Variants in NEBL observed in about 807,000 individuals in gnomAD.
The protein encoded by NEBL is LIM and SH3 protein 2.
NEBL carries 122 observed loss-of-function variants against 140.2 expected under a neutral mutation model. The observed-to-expected ratio is 0.87, with a 90% confidence interval of 0.75 to 1.01. The LOEUF is 1.01. Among genes scored for constraint, NEBL ranks in the 50% least tolerant of loss-of-function variants. NEBL has a pLI of 0.00. For missense variants in NEBL, 1,365 were observed against 1,231.3 expected, an observed-to-expected ratio of 1.11 and a Z score of -1.62; for synonymous variants, 436 against 398.9, an observed-to-expected ratio of 1.09 and a Z score of -1.11.
chr10:21,195,880 A>G (rs1841640207), intron 3 of NEBL, among the ~76,000 whole-genome samples: 3 of 152,134 alleles, frequency 2.0e-5, no homozygotes, highest in Non-Finnish European at 4.4e-5. Flanking sequence ...TTTTTTATTC[A>G]TTTCATAAGG....
intron 3 of NEBL, among the ~76,000 whole-genome samples, chr10:20,966,567 TA>T (rs1004142118): frequency 6.6e-6 from 1 of 152,210 alleles, no homozygotes; most frequent in Non-Finnish European, 1.5e-5. Context: ...TGTGCACCCT[TA>T]GTGACAGTTT....
chr10:21,145,032 C>T (rs1211944634), intron 2 of NEBL, among the ~76,000 whole-genome samples: 1 of 148,544 alleles, frequency 6.7e-6, no homozygotes, highest in Non-Finnish European at 1.5e-5. Context: ...GTAAAAATGG[C>T]AAAAAAATAA....
At chr10:21,164,107 G>C (rs1421966096) in intron 2 of NEBL, among the ~76,000 whole-genome samples, 2 of 152,178 alleles carry the variant, frequency 1.3e-5, no homozygotes, top group Non-Finnish European at 2.9e-5. Flanking sequence ...CCTGAGCATG[G>C]AAGAAATCAA....
At chr10:21,013,722 A>G (rs1838444191) in intron 3 of NEBL, among the ~76,000 whole-genome samples, 2 of 152,178 alleles carry the variant, frequency 1.3e-5, no homozygotes, top group Non-Finnish European at 1.5e-5. Context: ...TACTAAAAAT[A>G]CAAAAATTAG....
At chr10:21,108,170 G>C (rs947451828) in intron 2 of NEBL, among the ~76,000 whole-genome samples, 2 of 151,978 alleles carry the variant, frequency 1.3e-5, no homozygotes, top group African/African-American at 4.8e-5. Context: ...CTTCAGTTCT[G>C]CTCTGATCTT....
intron 3 of NEBL, among the ~76,000 whole-genome samples, chr10:21,216,243 C>G (rs2132240437): frequency 6.6e-6 from 1 of 152,302 alleles, no homozygotes; most frequent in Admixed American, 6.5e-5. Context: ...CCTGACTTCC[C>G]CTTAGCCACA....
At chr10:21,232,280 C>G (rs1589339904) in intron 3 of NEBL, among the ~76,000 whole-genome samples, 1 of 152,114 alleles carries the variant, frequency 6.6e-6, no homozygotes, top group Non-Finnish European at 1.5e-5. Context: ...TTTAGATAGT[C>G]CAGAAAAGCT....
chr10:21,279,040 G>A (rs2132296136), intron 1 of NEBL, among the ~76,000 whole-genome samples: 2 of 152,268 alleles, frequency 1.3e-5, no homozygotes, highest in South Asian at 4.1e-4. Flanking sequence ...TCTTATGTGT[G>A]TACTGTGCCT....
intron 20 of NEBL, chr10:20,819,151 G>T: frequency 1.2e-6 from 1 of 865,672 alleles, no homozygotes; most frequent in Non-Finnish European, 1.6e-6. Context: ...TTGTACAGAT[G>T]ACTTCATCAC....
At chr10:20,896,482 G>GTATATATATATA (rs1491445773) in intron 2 of NEBL, among the ~76,000 whole-genome samples, 3 of 20,976 alleles carry the variant, frequency 1.4e-4, no homozygotes, top group Admixed American at 6.7e-4. Flanking sequence ...AATATTATAT[G>GTATATATATATA]CATATATATA....
chr10:21,289,460 G>GCC lies in NEBL; in HGVS notation n.182+3369_182+3370insGG, dbSNP rs746824551. On this transcript the variant is annotated intron_variant and non_coding_transcript_variant, in intron 1 of 8. Coordinates refer to the NEBL transcript ENST00000675702. ...ATTTGTTTTTCTAAAATATGCTTTGGAATTGTGCCCTTGGCTCACTTAGTT... is the reference window on the plus strand; with the variant it reads ...ATTTGTTTTTCTAAAATATGCTTTGGCCAATTGTGCCCTTGGCTCACTTAGTT... 1.9e-3 allele frequency among the ~76,000 whole-genome samples: 287 copies of GCC among 152,322 alleles called. 1 individual carries two copies. The highest frequency in any genetic ancestry group is 3.2e-3 in the Non-Finnish European group (216 of 68,032).
intron 2 of NEBL, among the ~76,000 whole-genome samples, chr10:21,145,134 G>C (rs1422125012): frequency 6.6e-6 from 1 of 152,186 alleles, no homozygotes; most frequent in Non-Finnish European, 1.5e-5. Context: ...AAATTGGAAA[G>C]ATTAGATTCA....
intron 1 of NEBL, among the ~76,000 whole-genome samples, chr10:21,255,137 C>T (rs1471578191): frequency 6.6e-6 from 1 of 152,190 alleles, no homozygotes; most frequent in Non-Finnish European, 1.5e-5. Flanking sequence ...GCTTCATCCA[C>T]ACCAGTCCCT....
intron 2 of NEBL, chr10:21,125,796 T>C (rs1452999622): frequency 2.0e-6 from 3 of 1,502,838 alleles, no homozygotes; most frequent in Non-Finnish European, 2.8e-6. Context: ...GTATATGGTA[T>C]GGTATAAGAC....
chr10:21,180,138 G>GA (rs201765784), intron 3 of NEBL, among the ~76,000 whole-genome samples: 59 of 139,940 alleles, frequency 4.2e-4, no homozygotes, highest in African/African-American at 5.8e-4. Flanking sequence ...CTCGGTCTCA[G>GA]AAAAAAAAAA....
At chr10:20,794,865 C>T (rs1369670336) in intron 26 of NEBL, among the ~76,000 whole-genome samples, 1 of 152,152 alleles carries the variant, frequency 6.6e-6, no homozygotes, top group African/African-American at 2.4e-5. Flanking sequence ...TTACAATGTT[C>T]CAGCCCTGCG....
chr10:20,968,336 C>G (rs1836420176), intron 3 of NEBL, among the ~76,000 whole-genome samples: 1 of 150,084 alleles, frequency 6.7e-6, no homozygotes, highest in East Asian at 1.9e-4. Context: ...AAGGCCCCAT[C>G]TCTTAAAAAA....
At chr10:20,960,859 A>G (rs962049747) in intron 4 of NEBL, among the ~76,000 whole-genome samples, 9 of 152,158 alleles carry the variant, frequency 5.9e-5, no homozygotes, top group African/African-American at 1.9e-4. Context: ...TAGTGACTTT[A>G]TAAGTGACGC....
At position 21,028,218 on chromosome 10, in the gene NEBL, C is replaced by A. The variant is rs189954300; in HGVS notation, c.165-8017G>T. ...CTCCAGCCTGGCCAACAGAGCGAGA[C>A]TCCATCTCAAACATCTCAAAAAAAA... On this transcript the variant is annotated intron_variant, in intron 2 of 6. Transcript: ENST00000417816. Among the ~76,000 whole-genome samples the A allele has an allele frequency of 1.8e-4, 7 of 38,976 alleles. No individual in the cohort carries two copies. The Admixed American group carries it at 2.1e-3, about 12-fold the overall frequency. The allele number at this position is 38,976 out of a possible 152,430, so 25.6% of individuals were successfully genotyped here.
Sources: allele counts gnomAD v4.1 joint callset (sites outside exome capture counted in the v4.1 genomes callset), GRCh38; gene constraint gnomAD v4.1.1; transcripts MANE v1.5; gene names NCBI Gene and HGNC (gene_info 2026-07-23, HGNC 2026-07-21).